The following ORC4 variants were observed in gnomAD, a reference collection of about 807,000 sequenced individuals.
The protein encoded by ORC4 is origin recognition complex subunit 4, also known as origin recognition complex, subunit 4 homolog.
In ORC4, 55 loss-of-function variants were observed where a neutral mutation model predicts 63.9. The ratio of observed to expected loss-of-function variants is 0.86; its 90% CI spans 0.69 to 1.08. The LOEUF is 1.08. Ranked by LOEUF, ORC4 falls within the 50% of genes least tolerant of loss-of-function variation. The pLI is 0.00. For synonymous variants in ORC4, 150 were observed against 168.5 expected, an observed-to-expected ratio of 0.89 and a Z score of 0.85; for missense variants, 511 against 504.4, an observed-to-expected ratio of 1.01 and a Z score of -0.13.
At chr2:148,015,396 G>A (rs1693219186) in intron 1 of ORC4, among the ~76,000 whole-genome samples, 1 of 142,048 alleles carries the variant, frequency 7.0e-6, no homozygotes, top group Non-Finnish European at 1.5e-5. Flanking sequence ...CTCACTGCAA[G>A]CTCTGCCTCC....
chr2:147,966,259 A>G (rs1689886007), intron 4 of ORC4, among the ~76,000 whole-genome samples: 1 of 152,102 alleles, frequency 6.6e-6, no homozygotes, highest in Non-Finnish European at 1.5e-5. Context: ...GCCTACATCA[A>G]AAAACTAGAA....
chr2:147,935,770 AAC>A, intron 13 of ORC4, 72 bp from the exon 14 acceptor site: 1 of 1,321,410 alleles, frequency 7.6e-7, no homozygotes, highest in Non-Finnish European at 1.1e-6. Context: ...TCTCCCAGAG[AAC>A]AGTTAGCATT....
chr2:147,987,598 C>CA lies in ORC4; in HGVS notation c.-17-11624dup, dbSNP rs1337737751. Among the ~76,000 whole-genome samples the CA allele has an allele frequency of 1.7e-4, 26 of 150,772 alleles. No individual in the cohort carries two copies. The East Asian group carries it at 4.5e-3, about 26-fold the overall frequency. The stretch of plus-strand genomic sequence containing the variant: ...GCCAGGAGCTGTAACACTGTGTACC[C>CA]AAAAAAAAGCATTTAAGGAGAAAAC... On this transcript the variant is annotated intron_variant, in intron 1 of 13. Transcript: ENST00000392857.
intron 1 of ORC4, among the ~76,000 whole-genome samples, chr2:147,980,773 T>C (rs1034253099): frequency 6.6e-6 from 1 of 152,312 alleles, no homozygotes; most frequent in East Asian, 1.9e-4. Flanking sequence ...GGTAAAAATG[T>C]AAATTAGTAT....
intron 1 of ORC4, among the ~76,000 whole-genome samples, chr2:147,988,113 TAA>T (rs1421765905): frequency 6.7e-6 from 1 of 149,220 alleles, no homozygotes; most frequent in African/African-American, 2.5e-5. Context: ...ATCCAAAAAA[TAA>T]GAGCTAAATT....
At chr2:147,963,734 T>C (rs543985977) in intron 4 of ORC4, among the ~76,000 whole-genome samples, 84 of 152,158 alleles carry the variant, frequency 5.5e-4, no homozygotes, top group African/African-American at 1.9e-3. Flanking sequence ...TATGCATGCA[T>C]ATGCCCCCAA....
At chr2:147,990,990 A>G (rs1430565250) in intron 1 of ORC4, among the ~76,000 whole-genome samples, 3 of 152,074 alleles carry the variant, frequency 2.0e-5, no homozygotes, top group Non-Finnish European at 4.4e-5. Context: ...ACACAGACAC[A>G]CACAACCACA....
chr2:148,005,354 A>G (rs143934952), intron 1 of ORC4, among the ~76,000 whole-genome samples: 17 of 152,126 alleles, frequency 1.1e-4, no homozygotes, highest in South Asian at 6.2e-4. Flanking sequence ...CTGAACAATG[A>G]GAACACATGG....
chr2:147,955,027 A>G (rs1573779161), intron 7 of ORC4, among the ~76,000 whole-genome samples: 3 of 152,142 alleles, frequency 2.0e-5, no homozygotes, highest in Admixed American at 2.0e-4. Flanking sequence ...AACAAGAACC[A>G]TAAAAATGAT....
chr2:148,019,663 A>G (rs2105494042), intron 1 of ORC4, among the ~76,000 whole-genome samples: 1 of 152,348 alleles, frequency 6.6e-6, no homozygotes, highest in South Asian at 2.1e-4. Context: ...AGAATTTTAG[A>G]TTCTTGGTTT....
rs1022194281 is a variant in ORC4 at position 148,020,701 on chromosome 2, A to T, written c.-86T>A. 1.0e-4 allele frequency: 16 copies of T among 152,592 alleles called. No individual in the cohort carries two copies. The highest frequency in any genetic ancestry group is 6.8e-3 in the Middle Eastern group (2 of 296). 9.5% of individuals were successfully genotyped at this position (152,592 alleles called of 1,614,324 possible). A position where few individuals can be genotyped will look rare whatever the true frequency, so the allele number is the denominator to read the frequency against. On this transcript the variant is annotated 5_prime_UTR_variant, in exon 1 of 14. Coordinates refer to ENST00000392857, the MANE Select transcript of ORC4 (RefSeq NM_181741.4). The stretch of plus-strand genomic sequence containing the variant: ...GAATCGCCTGGCCGCGTCCTCTGCT[A>T]GACTTCACCTGCCGCTGCGGACCGT...
At chr2:148,019,625 G>T (rs746125551) in intron 1 of ORC4, among the ~76,000 whole-genome samples, 124 of 152,082 alleles carry the variant, frequency 8.2e-4, no homozygotes, top group Non-Finnish European at 1.2e-3. Context: ...CCACCCAACA[G>T]AATTAAGTAC....
intron 9 of ORC4, among the ~76,000 whole-genome samples, chr2:147,944,749 G>C (rs990605212): frequency 2.7e-5 from 4 of 150,562 alleles, no homozygotes; most frequent in South Asian, 4.2e-4. Flanking sequence ...TTCTAGAGCT[G>C]TAATTATATG....
intron 1 of ORC4, among the ~76,000 whole-genome samples, chr2:147,998,019 G>C (rs1437551682): frequency 6.6e-6 from 1 of 152,124 alleles, no homozygotes; most frequent in Non-Finnish European, 1.5e-5. Context: ...ATGGATATTA[G>C]CTGAAACCCA....
At chr2:147,989,205 C>T (rs180769883) in intron 1 of ORC4, among the ~76,000 whole-genome samples, 1 of 152,164 alleles carries the variant, frequency 6.6e-6, no homozygotes, top group East Asian at 1.9e-4. Context: ...AAAAGGCACG[C>T]TCTGAGTTGT....
At chr2:148,005,673 A>AAC (rs1553461239) in intron 1 of ORC4, among the ~76,000 whole-genome samples, 2 of 150,322 alleles carry the variant, frequency 1.3e-5, no homozygotes, top group African/African-American at 4.9e-5. Context: ...AAAAAAAAAA[A>AAC]AAAAAAACAA....
At chr2:148,015,537 A>G (rs913117551) in intron 1 of ORC4, among the ~76,000 whole-genome samples, 3 of 151,794 alleles carry the variant, frequency 2.0e-5, no homozygotes, top group Admixed American at 1.3e-4. Flanking sequence ...GATGGTATCG[A>G]TCTCCTGACC....
At position 147,932,045 on chromosome 2, in the gene ORC4, T is replaced by C. The variant is rs1687794217; in HGVS notation, c.*3465A>G. ...CGTTTGCAGACGACATGATTGTATA[T>C]CTAGAAAACCCCATCGTCTCAGCCC... On this transcript the variant is annotated 3_prime_UTR_variant, in exon 14 of 14. Transcript: ENST00000392857. 6.6e-6 allele frequency: 1 copy of C among 151,936 alleles called. No individual in the cohort carries two copies. The highest frequency in any genetic ancestry group is 1.5e-5 in the Non-Finnish European group (1 of 67,988). 9.4% of individuals were successfully genotyped at this position (151,936 alleles called of 1,614,324 possible).
At chr2:147,979,682 G>A (rs1370845019) in intron 1 of ORC4, among the ~76,000 whole-genome samples, 1 of 151,924 alleles carries the variant, frequency 6.6e-6, no homozygotes, top group Non-Finnish European at 1.5e-5. Context: ...TCAATACCTA[G>A]TGCAAAACTA....
Sources: allele counts gnomAD v4.1 joint callset (sites outside exome capture counted in the v4.1 genomes callset), GRCh38; gene constraint gnomAD v4.1.1; transcripts MANE v1.5; gene names NCBI Gene and HGNC (gene_info 2026-07-23, HGNC 2026-07-21).